The following LASP1 variants were observed in gnomAD, a reference collection of about 807,000 sequenced individuals.
LASP1 encodes LIM and SH3 protein 1, also known as LIM and SH3 domain protein 1.
In LASP1, 10 loss-of-function variants were observed where a neutral mutation model predicts 38.6. That is an observed-to-expected ratio of 0.26 (90% CI 0.16 to 0.44). The LOEUF (loss-of-function observed/expected upper bound fraction) is 0.44, where lower values mean the gene tolerates loss of function less well. LASP1 is among the 20% of genes least tolerant of loss of function. The pLI, the probability that LASP1 is intolerant of heterozygous loss-of-function variation, is 1.00. For synonymous variants in LASP1, 132 were observed against 140.8 expected (o/e 0.94, Z 0.44); for missense variants, 243 against 375.7 (o/e 0.65, Z 2.92).
At chr17:38,871,246 AG>A (rs1265283944) in intron 1 of LASP1, among the ~76,000 whole-genome samples, 3 of 150,882 alleles carry the variant, frequency 2.0e-5, no homozygotes, top group East Asian at 3.9e-4. Context: ...AGACTTTTGG[AG>A]GGGGGTTGGA....
chr17:38,892,316 A>G (rs1372507089), intron 3 of LASP1, among the ~76,000 whole-genome samples: 2 of 152,196 alleles, frequency 1.3e-5, no homozygotes, highest in Non-Finnish European at 2.9e-5. Flanking sequence ...TGAGGCTCAC[A>G]GAGGAAGAGA....
At chr17:38,889,969 C>T (rs1914256991) in intron 2 of LASP1, among the ~76,000 whole-genome samples, 1 of 152,192 alleles carries the variant, frequency 6.6e-6, no homozygotes, top group African/African-American at 2.4e-5. Context: ...TTCTGTCTCC[C>T]CCTTGCTCTC....
intron 4 of LASP1, among the ~76,000 whole-genome samples, chr17:38,909,437 T>C (rs926434573): frequency 6.6e-6 from 1 of 151,966 alleles, no homozygotes; most frequent in Non-Finnish European, 1.5e-5. Context: ...TAAAAGCCTG[T>C]CTCTACTAAA....
chr17:38,906,734 G>T (rs1201066087), intron 4 of LASP1, among the ~76,000 whole-genome samples: 1 of 152,106 alleles, frequency 6.6e-6, no homozygotes, highest in Admixed American at 6.6e-5. Context: ...GGGAGAGCAG[G>T]GGGGTCAGAA....
intron 4 of LASP1, among the ~76,000 whole-genome samples, chr17:38,906,055 G>A (rs537738863): frequency 2.0e-5 from 3 of 152,178 alleles, no homozygotes; most frequent in East Asian, 3.9e-4. Flanking sequence ...GCGAGACCCT[G>A]TCTCTAAAAA....
intron 1 of LASP1, among the ~76,000 whole-genome samples, chr17:38,875,306 G>T (rs904976091): frequency 2.6e-5 from 4 of 152,078 alleles, no homozygotes; most frequent in Non-Finnish European, 5.9e-5. Flanking sequence ...AGGGGCCTGT[G>T]GGGGCAGGGA....
intron 5 of LASP1, 174 bp from the exon 6 acceptor site, chr17:38,914,869 C>A (rs879110805): frequency 1.6e-6 from 1 of 638,386 alleles, no homozygotes; most frequent in Non-Finnish European, 2.8e-6. Flanking sequence ...AGAGCCCCTG[C>A]GTGGGATACA....
chr17:38,915,878 C>G (rs1277869589), intron 6 of LASP1: 2 of 152,182 alleles, frequency 1.3e-5, no homozygotes, highest in Non-Finnish European at 2.9e-5. Context: ...AGGCTGGGTG[C>G]CTGGGAATTC....
At position 38,915,039 on chromosome 17, in the gene LASP1, C is replaced by T. The variant is rs1039286345; in HGVS notation, c.509-4C>T. 7 of 1,613,778 alleles carry T rather than the reference C, an allele frequency of 4.3e-6. No individual in the cohort carries two copies. Among genetic ancestry groups the T allele is most frequent in the Non-Finnish European group, 5.9e-6 (7 of 1,179,868 alleles). ...TCCAAGCCCTGTCTCCTCCCATCTT[C>T]CAGTTTACCAGCAGCCCCAGCAGCA... On this transcript the variant is annotated splice_region_variant and splice_polypyrimidine_tract_variant and intron_variant, in intron 5 of 6. Transcript: ENST00000318008.
chr17:38,889,260 A>G (rs1197222911), intron 2 of LASP1, among the ~76,000 whole-genome samples: 1 of 152,146 alleles, frequency 6.6e-6, no homozygotes, highest in Non-Finnish European at 1.5e-5. Flanking sequence ...CCTCCTGAGT[A>G]GCTGGGACTA....
At chr17:38,901,236 C>T (rs775082788) in intron 4 of LASP1, among the ~76,000 whole-genome samples, 12 of 152,204 alleles carry the variant, frequency 7.9e-5, no homozygotes, top group South Asian at 4.1e-4. Flanking sequence ...GCCTAAGCCA[C>T]CTCCTCTTCT....
At position 38,920,451 on chromosome 17, in the gene LASP1, C is replaced by A; in HGVS notation, c.*1673C>A. On this transcript the variant is annotated 3_prime_UTR_variant, in exon 7 of 7. Coordinates refer to ENST00000318008, the MANE Select transcript of LASP1 (RefSeq NM_006148.4). ...CATGGGTGGCTGTGACAACCCTGGC[C>A]TCACTTGATTCATCTCTGGTTTTCT... 3.7e-6 allele frequency: 1 copy of A among 271,638 alleles called. No individual in the cohort carries two copies. Among genetic ancestry groups the A allele is most frequent in the Non-Finnish European group, 7.2e-6 (1 of 139,060 alleles). 16.8% of individuals were successfully genotyped at this position (271,638 alleles called of 1,614,324 possible). A position where few individuals can be genotyped will look rare whatever the true frequency, so the allele number is the denominator to read the frequency against.
At position 38,870,164 on chromosome 17, in the gene LASP1, T is replaced by C. The variant is rs756349975; in HGVS notation, c.-26T>C. 1.9e-6 allele frequency: 3 copies of C among 1,612,586 alleles called. No homozygotes were observed. Among genetic ancestry groups the C allele is most frequent in the Non-Finnish European group, 2.5e-6 (3 of 1,179,634 alleles). On this transcript the variant is annotated 5_prime_UTR_variant, in exon 1 of 7. Transcript: ENST00000318008. ...AACAGGACGCGCGTGAGCTCAGGCGTCCCCGCCCCAGCTTTTCTCGGAACC... is the reference window on the plus strand; with the variant it reads ...AACAGGACGCGCGTGAGCTCAGGCGCCCCCGCCCCAGCTTTTCTCGGAACC...
At position 38,892,753 on chromosome 17, in the gene LASP1, G is replaced by A. The variant is rs1275650823; in HGVS notation, c.249+2249G>A. ...CCCAGGATGGGCAGCAAGTGGGCAG[G>A]GCATGCTGTTGGCAGGGGCTGCTTC... On this transcript the variant is annotated intron_variant, in intron 3 of 6. Transcript: ENST00000318008. 2.6e-5 allele frequency among the ~76,000 whole-genome samples: 4 copies of A among 152,336 alleles called. 1 individual carries two copies. In the South Asian group the frequency reaches 8.3e-4, roughly 32 times the overall value.
chr17:38,899,648 G>A (rs1914585922), intron 4 of LASP1, among the ~76,000 whole-genome samples: 1 of 151,984 alleles, frequency 6.6e-6, no homozygotes, highest in Non-Finnish European at 1.5e-5. Flanking sequence ...AATATACATT[G>A]TACGTCTTGA....
rs973332221 is a variant in LASP1, at chr17:38,898,393, T to C, written c.250-19T>C. The C allele has an allele frequency of 3.3e-6, 5 of 1,534,500 alleles. No individual in the cohort carries two copies. Among genetic ancestry groups the C allele is most frequent in the Non-Finnish European group, 4.4e-6 (5 of 1,134,258 alleles). On this transcript the variant is annotated intron_variant, in intron 3 of 6. Coordinates refer to ENST00000318008, the MANE Select transcript of LASP1 (RefSeq NM_006148.4). ...CGGCTCCTGGCCTGACTCCAATCCC[T>C]CTTCCTCCCCTCCTGCAGGTGCGCT...
intron 5 of LASP1, 137 bp downstream of exon 5, chr17:38,914,612 G>GCACA: frequency 1.7e-6 from 2 of 1,156,142 alleles, no homozygotes; most frequent in Non-Finnish European, 2.4e-6. Context: ...CCTCTTGTGT[G>GCACA]CAAGAGGGGA....
At chr17:38,880,778 G>A (rs1445233975) in intron 2 of LASP1, among the ~76,000 whole-genome samples, 5 of 152,216 alleles carry the variant, frequency 3.3e-5, no homozygotes, top group Non-Finnish European at 4.4e-5. Context: ...CTCTCTGGAC[G>A]TGTCTGAGCC....
In LASP1 at chr17:38,890,057, C is replaced by T. The variant is rs116192054; in HGVS notation, c.165-363C>T. 1.4e-3 allele frequency among the ~76,000 whole-genome samples: 220 copies of T among 152,354 alleles called. 1 individual carries two copies. Among genetic ancestry groups the T allele is most frequent in the African/African-American group, 5.0e-3 (207 of 41,596 alleles). On this transcript the variant is annotated intron_variant, in intron 2 of 6. Coordinates refer to ENST00000318008, the MANE Select transcript of LASP1 (RefSeq NM_006148.4). Reference sequence around the variant, plus strand: ...TCACCTGTGCCCATCTTCCCCCAGCCGGGCCCAGTTGCCTCGACCTCCATG... The same window carrying T: ...TCACCTGTGCCCATCTTCCCCCAGCTGGGCCCAGTTGCCTCGACCTCCATG...
Sources: gnomAD v4.1 joint callset for allele counts (sites outside exome capture counted in the v4.1 genomes callset) on GRCh38, gnomAD v4.1.1 for gene constraint, MANE v1.5 for transcripts, NCBI Gene and HGNC (gene_info 2026-07-23, HGNC 2026-07-21) for gene names.